Variants in PKN2 observed in about 807,000 individuals in gnomAD.
PKN2 encodes serine/threonine-protein kinase N2.
PKN2 carries 38 observed loss-of-function variants against 119.1 expected under a neutral mutation model. The ratio of observed to expected loss-of-function variants is 0.32; its 90% CI spans 0.25 to 0.42. The LOEUF (loss-of-function observed/expected upper bound fraction) is 0.42. PKN2 is among the 10% of genes least tolerant of loss of function. The pLI is 1.00. For missense variants in PKN2, 850 were observed against 1,165.1 expected, an observed-to-expected ratio of 0.73 and a Z score of 3.94; for synonymous variants, 390 against 384.9, an observed-to-expected ratio of 1.01 and a Z score of -0.15.
At chr1:88,723,467 G>C (rs1178905674) in intron 1 of PKN2, among the ~76,000 whole-genome samples, 2 of 145,318 alleles carry the variant, frequency 1.4e-5, no homozygotes, top group African/African-American at 2.6e-5. Flanking sequence ...TGTCACCCAG[G>C]CTGGAGTACA....
At chr1:88,711,603 A>T (rs1198882431) in intron 1 of PKN2, among the ~76,000 whole-genome samples, 1 of 152,228 alleles carries the variant, frequency 6.6e-6, no homozygotes, top group Non-Finnish European at 1.5e-5. Flanking sequence ...CCATTAAATC[A>T]TAGTTATTTA....
Position 88,833,247 on chromosome 1 carries a change from A to G in PKN2, c.2754A>G (p.Leu918=). The G allele has an allele frequency of 1.2e-6, 2 of 1,612,492 alleles. No individual in the cohort carries two copies. Among genetic ancestry groups the G allele is most frequent in the Non-Finnish European group, 1.7e-6 (2 of 1,179,012 alleles). The change falls in exon 22 of 22, where the codon CTA becomes CTG. Residue 918 remains leucine, a splice_region_variant and synonymous_variant. Transcript: ENST00000370521. The part of the protein sequence containing the change: ...EDVKKHPFFR[L]IDWSALMDKK... ...TCATTTTTTATTTTATGATCCAGCT[A>G]ATTGATTGGAGCGCTCTGATGGACA...
At chr1:88,740,130 A>G (rs892539326) in intron 1 of PKN2, among the ~76,000 whole-genome samples, 1 of 152,184 alleles carries the variant, frequency 6.6e-6, no homozygotes, top group South Asian at 2.1e-4. Context: ...ATTATATGCA[A>G]ATACCACACC....
rs1470066131 is a variant in PKN2, at chr1:88,807,392, C to T, written c.1883C>T (p.Thr628Ile). ...PKSQSEYKPD[T>I]PQSGLEYSGI... ...TCTCAATCTGAATACAAGCCTGATA[C>T]TCCTCAGTCAGGCCTAGAATATAGT... The change falls in exon 13 of 22, where the codon ACT (threonine) becomes ATT (isoleucine). Residue 628 changes from threonine (T) to isoleucine (I), a missense_variant. Thr to Ile is a moderately conservative substitution (Grantham distance 89). Coordinates refer to ENST00000370521, the MANE Select transcript of PKN2 (RefSeq NM_006256.4). 1 of 1,603,824 alleles carries T rather than the reference C, an allele frequency of 6.2e-7. No homozygotes were observed. Among genetic ancestry groups the T allele is most frequent in the Admixed American group, 1.7e-5 (1 of 59,694 alleles).
At position 88,807,511 on chromosome 1, in the gene PKN2, T is replaced by G; in HGVS notation, c.1935-18T>G. ...CATACTTTATTGTCTTATTATTAAT[T>G]GAAATTTCTCTTTTCAGATCTCAGC... On this transcript the variant is annotated intron_variant, in intron 13 of 21. Transcript: ENST00000370521. 1 of 1,607,616 alleles carries G rather than the reference T, an allele frequency of 6.2e-7. No homozygotes were observed. The highest frequency in any genetic ancestry group is 8.5e-7 in the Non-Finnish European group (1 of 1,176,406).
chr1:88,797,366 A>G (rs1570645932), intron 8 of PKN2, among the ~76,000 whole-genome samples: 1 of 151,636 alleles, frequency 6.6e-6, no homozygotes, highest in East Asian at 1.9e-4. Context: ...AATGTCTTCC[A>G]GGTGCAGTGG....
rs531465698 is a variant in PKN2 at position 88,817,408 on chromosome 1, C to CAAA, written c.2279+3690_2279+3692dup. ...CTGGCGACAGAGCAAGACTCTGTCT[C>CAAA]AAAAAAAAAAAAAAAAAGGCCGGGT... On this transcript the variant is annotated intron_variant, in intron 16 of 21. Transcript: ENST00000370521. Among the ~76,000 whole-genome samples the CAAA allele has an allele frequency of 3.5e-3, 295 of 84,770 alleles. 4 individuals carry two copies. The highest frequency in any genetic ancestry group is 0.011 in the African/African-American group (277 of 24,662). The allele number at this position is 84,770 out of a possible 152,430, so 55.6% of individuals were successfully genotyped here. A position where few individuals can be genotyped will look rare whatever the true frequency, so the allele number is the denominator to read the frequency against.
intron 1 of PKN2, among the ~76,000 whole-genome samples, chr1:88,733,087 T>C (rs1472411162): frequency 6.6e-6 from 1 of 152,190 alleles, no homozygotes; most frequent in East Asian, 1.9e-4. Flanking sequence ...ATAGTTATTC[T>C]CTTTGATAGA....
intron 16 of PKN2, chr1:88,815,398 A>G (rs766396144): frequency 3.0e-6 from 1 of 335,842 alleles, no homozygotes; most frequent in South Asian, 2.3e-5. Context: ...ATATCACATC[A>G]CTAACCAATT....
In PKN2 at chr1:88,828,286, G is replaced by A. The variant is rs533404685; in HGVS notation, c.2420-195G>A. 3.3e-5 allele frequency among the ~76,000 whole-genome samples: 5 copies of A among 152,262 alleles called. No homozygotes were observed. In the East Asian group the frequency reaches 7.7e-4, roughly 23 times the overall value. On this transcript the variant is annotated intron_variant, in intron 18 of 21. Coordinates refer to ENST00000370521, the MANE Select transcript of PKN2 (RefSeq NM_006256.4). Reference sequence around the variant, plus strand: ...CTTATTTCTATTTACCCATTAATTAGACAGTATAGTTGCTATTGCAGTTTT... The same window carrying A: ...CTTATTTCTATTTACCCATTAATTAAACAGTATAGTTGCTATTGCAGTTTT...
At position 88,689,377 on chromosome 1, in the gene PKN2, C is replaced by T. The variant is rs532904180; in HGVS notation, c.48+4749C>T. ...ACTAGAATTTTGAAGAAAAATGAAGCTCAGAGAATTTTAAGATAGAAATCA... is the reference window on the plus strand; with the variant it reads ...ACTAGAATTTTGAAGAAAAATGAAGTTCAGAGAATTTTAAGATAGAAATCA... On this transcript the variant is annotated intron_variant, in intron 1 of 21. Coordinates refer to ENST00000370521, the MANE Select transcript of PKN2 (RefSeq NM_006256.4). Among the ~76,000 whole-genome samples, 9 of 152,094 alleles carry T rather than the reference C, an allele frequency of 5.9e-5. No individual in the cohort carries two copies. In the East Asian group the frequency reaches 1.4e-3, roughly 23 times the overall value.
intron 18 of PKN2, among the ~76,000 whole-genome samples, chr1:88,825,571 C>G (rs978159154): frequency 1.3e-5 from 2 of 152,144 alleles, no homozygotes; most frequent in African/African-American, 4.8e-5. Context: ...TGTAGTTATT[C>G]ACAAAATTCT....
chr1:88,718,777 G>C (rs559239172), intron 1 of PKN2, among the ~76,000 whole-genome samples: 82 of 152,170 alleles, frequency 5.4e-4, no homozygotes, highest in South Asian at 2.3e-3. Flanking sequence ...ATGAAATCCA[G>C]TATTTACTTT....
intron 2 of PKN2, among the ~76,000 whole-genome samples, chr1:88,745,970 C>A (rs747474081): frequency 6.6e-6 from 1 of 152,208 alleles, no homozygotes; most frequent in African/African-American, 2.4e-5. Context: ...CAAGAACACA[C>A]GGTGGGGACT....
At chr1:88,777,687 C>T (rs1192901379) in intron 6 of PKN2, among the ~76,000 whole-genome samples, 3 of 152,134 alleles carry the variant, frequency 2.0e-5, no homozygotes, top group Non-Finnish European at 4.4e-5. Flanking sequence ...AATGAATGGA[C>T]CCCCTCCTCT....
In PKN2 at chr1:88,834,766, G is replaced by T. The variant is rs1672876310; in HGVS notation, c.*1318G>T. On this transcript the variant is annotated 3_prime_UTR_variant, in exon 22 of 22. Transcript: ENST00000370521. The stretch of plus-strand genomic sequence containing the variant: ...TGGCTTTTTATACTCTTTTAGGGTT[G>T]TCTTTTTACAAACCATGACTTTCCA... The T allele has an allele frequency of 1.3e-5, 2 of 152,244 alleles. No individual in the cohort carries two copies. The allele number at this position is 152,244 out of a possible 1,614,324, so 9.4% of individuals were successfully genotyped here. A position where few individuals can be genotyped will look rare whatever the true frequency, so the allele number is the denominator to read the frequency against.
intron 1 of PKN2, among the ~76,000 whole-genome samples, chr1:88,733,693 A>G (rs1321824734): frequency 9.9e-5 from 15 of 152,214 alleles, no homozygotes; most frequent in African/African-American, 3.6e-4. Flanking sequence ...ATACAATTCC[A>G]TTTGTCTATA....
At chr1:88,734,391 G>A (rs2100732088) in intron 1 of PKN2, among the ~76,000 whole-genome samples, 1 of 152,208 alleles carries the variant, frequency 6.6e-6, no homozygotes, top group East Asian at 1.9e-4. Context: ...TGTCTGTGGT[G>A]AGAGATAAGA....
At chr1:88,733,237 G>A (rs1668212184) in intron 1 of PKN2, among the ~76,000 whole-genome samples, 1 of 152,124 alleles carries the variant, frequency 6.6e-6, no homozygotes, top group South Asian at 2.1e-4. Flanking sequence ...TCATGTGGTA[G>A]TTCTGTTTAA....
Sources: gnomAD v4.1 joint callset for allele counts (sites outside exome capture counted in the v4.1 genomes callset) on GRCh38, gnomAD v4.1.1 for gene constraint, MANE v1.5 for transcripts, NCBI Gene and HGNC (gene_info 2026-07-23, HGNC 2026-07-21) for gene names.